The following RBFOX2 variants were observed in gnomAD, a reference collection of about 807,000 sequenced individuals.
RBFOX2 encodes the protein RNA binding fox-1 homolog 2, also known as RNA binding protein fox-1 homolog 2.
A neutral mutation model predicts 49.1 loss-of-function variants in RBFOX2; 10 were observed. The observed-to-expected ratio is 0.20, with a 90% CI of 0.13 to 0.35. The LOEUF (loss-of-function observed/expected upper bound fraction) is 0.35, where lower values mean the gene tolerates loss of function less well. Ranked by LOEUF, RBFOX2 falls within the 10% of genes least tolerant of loss-of-function variation. RBFOX2 has a pLI of 1.00. For synonymous variants in RBFOX2, 183 were observed against 187.4 expected, an observed-to-expected ratio of 0.98 and a Z score of 0.19; for missense variants, 323 against 486.9, an observed-to-expected ratio of 0.66 and a Z score of 3.17.
chr22:35,745,817 T>C (rs1932427392), intron 11 of RBFOX2, 106 bp downstream of exon 13: 3 of 1,132,486 alleles, frequency 2.6e-6, no homozygotes, highest in African/African-American at 3.1e-5. Context: ...AATACCTTGA[T>C]GGTGGATGAA....
chr22:36,020,035 G>C (rs1319585957), intron 1 of RBFOX2, among the ~76,000 whole-genome samples: 1 of 152,126 alleles, frequency 6.6e-6, no homozygotes, highest in Non-Finnish European at 1.5e-5. Flanking sequence ...CATGGTACTG[G>C]TACCAAGACA....
At chr22:35,984,758 G>T (rs965592721) in intron 1 of RBFOX2, among the ~76,000 whole-genome samples, 5 of 152,056 alleles carry the variant, frequency 3.3e-5, no homozygotes, top group African/African-American at 1.2e-4. Context: ...AATATACTAT[G>T]TATTTTCATG....
At chr22:35,873,060 T>C (rs1167760806) in intron 1 of RBFOX2, among the ~76,000 whole-genome samples, 3 of 152,208 alleles carry the variant, frequency 2.0e-5, no homozygotes, top group Non-Finnish European at 4.4e-5. Context: ...TCAATACCCA[T>C]TACCACACTG....
At chr22:35,825,004 G>A (rs1955342067) in intron 1 of RBFOX2, among the ~76,000 whole-genome samples, 1 of 152,176 alleles carries the variant, frequency 6.6e-6, no homozygotes. Context: ...TGGATCACAT[G>A]AGGTCAGGAG....
intron 1 of RBFOX2, among the ~76,000 whole-genome samples, chr22:35,903,285 A>T (rs1256369885): frequency 6.6e-6 from 1 of 152,224 alleles, no homozygotes; most frequent in Non-Finnish European, 1.5e-5. Context: ...CTGACCTCTT[A>T]GCAGGATTCA....
intron 1 of RBFOX2, among the ~76,000 whole-genome samples, chr22:35,958,378 C>A (rs981393933): frequency 1.3e-5 from 2 of 152,200 alleles, no homozygotes; most frequent in Non-Finnish European, 2.9e-5. Context: ...AGTATACCTA[C>A]CCCATAGAGA....
At chr22:35,855,028 C>T (rs1425428892) in intron 1 of RBFOX2, among the ~76,000 whole-genome samples, 1 of 152,078 alleles carries the variant, frequency 6.6e-6, no homozygotes, top group African/African-American at 2.4e-5. Flanking sequence ...GGATCAATAG[C>T]TCAACATCAT....
At chr22:35,934,617 C>G (rs559003460) in intron 1 of RBFOX2, among the ~76,000 whole-genome samples, 3 of 152,224 alleles carry the variant, frequency 2.0e-5, no homozygotes, top group African/African-American at 7.2e-5. Context: ...GCCTTAGGAG[C>G]CTTAGGACCC....
intron 1 of RBFOX2, among the ~76,000 whole-genome samples, chr22:35,887,364 C>T (rs1394359450): frequency 6.6e-6 from 1 of 152,148 alleles, no homozygotes; most frequent in Non-Finnish European, 1.5e-5. Flanking sequence ...ATCTCCTGCA[C>T]TTCCTTGCCC....
At chr22:35,979,246 C>A (rs2057343101) in intron 1 of RBFOX2, among the ~76,000 whole-genome samples, 1 of 152,144 alleles carries the variant, frequency 6.6e-6, no homozygotes, top group Non-Finnish European at 1.5e-5. Context: ...AGAAACTGTT[C>A]CAGGCTGAAG....
At chr22:36,013,648 C>CAGAGAGAG (rs373268996) in intron 1 of RBFOX2, among the ~76,000 whole-genome samples, 1 of 147,974 alleles carries the variant, frequency 6.8e-6, no homozygotes, top group African/African-American at 2.5e-5. Flanking sequence ...CACACACACA[C>CAGAGAGAG]AGAGAGAGAG....
intron 1 of RBFOX2, among the ~76,000 whole-genome samples, chr22:35,911,807 C>G (rs2049867006): frequency 6.6e-6 from 1 of 152,134 alleles, no homozygotes; most frequent in Admixed American, 6.6e-5. Context: ...TGGCATGACC[C>G]ATATCCCATC....
intron 11 of RBFOX2, among the ~76,000 whole-genome samples, chr22:35,745,099 G>A (rs770573997): frequency 6.6e-6 from 1 of 152,256 alleles, no homozygotes; most frequent in Non-Finnish European, 1.5e-5. Flanking sequence ...AATTTGGTGT[G>A]AGAAGTAGCT....
chr22:35,950,953 CTTTT>C (rs747849148), intron 1 of RBFOX2, among the ~76,000 whole-genome samples: 4 of 128,136 alleles, frequency 3.1e-5, no homozygotes, highest in Non-Finnish European at 1.7e-5. Flanking sequence ...GTAAAGAATT[CTTTT>C]TTTTTTTTTT....
At chr22:35,915,245 G>A (rs1340523607) in intron 1 of RBFOX2, among the ~76,000 whole-genome samples, 1 of 152,222 alleles carries the variant, frequency 6.6e-6, no homozygotes, top group Non-Finnish European at 1.5e-5. Flanking sequence ...GGTTTGGGGA[G>A]AGAGAAACCC....
At chr22:35,806,553 G>A (rs1305796819) in intron 2 of RBFOX2, among the ~76,000 whole-genome samples, 1 of 151,682 alleles carries the variant, frequency 6.6e-6, no homozygotes, top group Non-Finnish European at 1.5e-5. Context: ...GAAAATACAA[G>A]AAACACCAGC....
At chr22:36,003,443 T>TA (rs1040482622) in intron 1 of RBFOX2, among the ~76,000 whole-genome samples, 1 of 152,008 alleles carries the variant, frequency 6.6e-6, no homozygotes, top group African/African-American at 2.4e-5. Flanking sequence ...TAGCGTGGCA[T>TA]AAAAAAGGGG....
At chr22:35,926,036 A>C (rs1603449462) in intron 1 of RBFOX2, among the ~76,000 whole-genome samples, 1 of 152,350 alleles carries the variant, frequency 6.6e-6, no homozygotes, top group East Asian at 1.9e-4. Context: ...GCTATTAAGA[A>C]AATTAAAATA....
At chr22:35,885,109 T>C (rs2149322683) in intron 1 of RBFOX2, among the ~76,000 whole-genome samples, 1 of 152,294 alleles carries the variant, frequency 6.6e-6, no homozygotes, top group African/African-American at 2.4e-5. Context: ...GAAACTTATT[T>C]TTAATAACCT....
Sources: allele counts gnomAD v4.1 joint callset (sites outside exome capture counted in the v4.1 genomes callset), GRCh38; gene constraint gnomAD v4.1.1; transcripts MANE v1.5; gene names NCBI Gene and HGNC (gene_info 2026-07-23, HGNC 2026-07-21).